Variants in ABTB3 observed in about 807,000 individuals in gnomAD.
The protein encoded by ABTB3 is ankyrin repeat and BTB domain containing 3, also known as ankyrin repeat- and BTB/POZ domain-containing protein 3.
At chr12:107,360,368 G>A in the ABTB3 span, among the ~76,000 whole-genome samples, 3 of 152,160 alleles carry the variant, frequency 2.0e-5, no homozygotes, top group East Asian at 5.8e-4. Context: ...AGTTTTGCTG[G>A]ATTGGAGCCC....
chr12:107,361,010 G>C, the ABTB3 span, among the ~76,000 whole-genome samples: 1 of 129,190 alleles, frequency 7.7e-6, no homozygotes, highest in Admixed American at 9.6e-5. Flanking sequence ...GGGCTCAAAA[G>C]ATCCTCTTGC....
At chr12:107,553,175 A>G in the ABTB3 span, among the ~76,000 whole-genome samples, 32 of 152,350 alleles carry the variant, frequency 2.1e-4, no homozygotes, top group African/African-American at 7.5e-4. Flanking sequence ...TGGGTGATCC[A>G]TGAATGGTGG....
At chr12:107,414,779 G>A in the ABTB3 span, among the ~76,000 whole-genome samples, 3 of 149,214 alleles carry the variant, frequency 2.0e-5, no homozygotes, top group African/African-American at 5.0e-5. Flanking sequence ...GTGCAGTGGC[G>A]CAATCTCAGC....
At chr12:107,340,274 A>G in the ABTB3 span, among the ~76,000 whole-genome samples, 1 of 152,168 alleles carries the variant, frequency 6.6e-6, no homozygotes, top group African/African-American at 2.4e-5. Flanking sequence ...GTGGAGAAAA[A>G]ATGGTCTTGT....
At chr12:107,612,699 A>G in the ABTB3 span, 2 of 1,326,640 alleles carry the variant, frequency 1.5e-6, no homozygotes, top group East Asian at 2.5e-5. Context: ...AAACACAAGT[A>G]AGATTCTCCA....
At chr12:107,421,506 A>C in the ABTB3 span, among the ~76,000 whole-genome samples, 4 of 152,204 alleles carry the variant, frequency 2.6e-5, no homozygotes, top group African/African-American at 4.8e-5. Flanking sequence ...CAAAGAGAAA[A>C]AGCCTGCAAA....
At chr12:107,343,369 G>T in the ABTB3 span, among the ~76,000 whole-genome samples, 2 of 152,044 alleles carry the variant, frequency 1.3e-5, no homozygotes, top group Non-Finnish European at 1.5e-5. Flanking sequence ...GATGCCTCTT[G>T]GTCAATACTC....
the ABTB3 span, among the ~76,000 whole-genome samples, chr12:107,412,227 A>T: frequency 6.6e-6 from 1 of 152,202 alleles, no homozygotes; most frequent in African/African-American, 2.4e-5. Flanking sequence ...TTCCTGCAAC[A>T]GCCCATGTGG....
the ABTB3 span, among the ~76,000 whole-genome samples, chr12:107,411,075 G>A: frequency 6.6e-6 from 1 of 152,084 alleles, no homozygotes; most frequent in Non-Finnish European, 1.5e-5. Context: ...TAAGGTGGGC[G>A]GATCACTTGA....
At chr12:107,492,062 AT>A in the ABTB3 span, among the ~76,000 whole-genome samples, 4 of 152,076 alleles carry the variant, frequency 2.6e-5, no homozygotes, top group East Asian at 7.8e-4. Flanking sequence ...GATCGTGTTG[AT>A]TGGCTGAAGA....
At chr12:107,615,057 A>G in the ABTB3 span, 1 of 1,609,588 alleles carries the variant, frequency 6.2e-7, no homozygotes, top group Admixed American at 1.7e-5. Flanking sequence ...CAATTTGTTT[A>G]TAGGTTGTCA....
chr12:107,506,186 GT>G, the ABTB3 span, among the ~76,000 whole-genome samples: 1 of 152,182 alleles, frequency 6.6e-6, no homozygotes, highest in Non-Finnish European at 1.5e-5. Flanking sequence ...AGTTTTAATA[GT>G]AAAAATGTAA....
chr12:107,405,802 C>T, the ABTB3 span, among the ~76,000 whole-genome samples: 1 of 152,220 alleles, frequency 6.6e-6, no homozygotes, highest in African/African-American at 2.4e-5. Flanking sequence ...TCCTAGGGCC[C>T]ATCGTCTGCA....
At chr12:107,377,193 T>C in the ABTB3 span, among the ~76,000 whole-genome samples, 1 of 152,104 alleles carries the variant, frequency 6.6e-6, no homozygotes, top group South Asian at 2.1e-4. Context: ...CAGGGACTGA[T>C]TGATGTAGGG....
At chr12:107,647,699 G>T in the ABTB3 span, among the ~76,000 whole-genome samples, 1 of 152,200 alleles carries the variant, frequency 6.6e-6, no homozygotes, top group South Asian at 2.1e-4. Flanking sequence ...GCTGACATTT[G>T]CAGAGGACTT....
chr12:107,562,374 T>C, the ABTB3 span, among the ~76,000 whole-genome samples: 1 of 152,214 alleles, frequency 6.6e-6, no homozygotes, highest in Non-Finnish European at 1.5e-5. Context: ...GGAGACAGCA[T>C]TGGAGCAGAG....
the ABTB3 span, among the ~76,000 whole-genome samples, chr12:107,560,702 TCTC>T: frequency 6.6e-6 from 1 of 152,142 alleles, no homozygotes; most frequent in Admixed American, 6.5e-5. Context: ...TTGCCGGTAA[TCTC>T]CTCCCTCTCT....
chr12:107,345,750 C>T, the ABTB3 span, among the ~76,000 whole-genome samples: 2 of 152,094 alleles, frequency 1.3e-5, no homozygotes, highest in East Asian at 3.9e-4. Flanking sequence ...TTTGAACTGA[C>T]TGTGGGCAGG....
At chr12:107,578,748 GTGA>G in the ABTB3 span, among the ~76,000 whole-genome samples, 1 of 152,182 alleles carries the variant, frequency 6.6e-6, no homozygotes, top group Non-Finnish European at 1.5e-5. Flanking sequence ...TTCAGTTTAG[GTGA>G]TGGAGAGAAT....
Sources: gnomAD v4.1 joint callset for allele counts (sites outside exome capture counted in the v4.1 genomes callset) on GRCh38, gnomAD v4.1.1 for gene constraint, MANE v1.5 for transcripts, NCBI Gene and HGNC (gene_info 2026-07-23, HGNC 2026-07-21) for gene names.